The following LRRC4C variants were observed in gnomAD, a reference collection of about 807,000 sequenced individuals.
LRRC4C encodes the protein leucine-rich repeat-containing protein 4C.
A neutral mutation model predicts 33.6 loss-of-function variants in LRRC4C; 5 were observed. The observed-to-expected ratio is 0.15, with a 90% confidence interval of 0.08 to 0.31. The LOEUF (loss-of-function observed/expected upper bound fraction) is 0.31, where lower values mean the gene tolerates loss of function less well. Ranked by LOEUF, LRRC4C falls within the 10% of genes least tolerant of loss-of-function variation. LRRC4C has a pLI of 1.00. For synonymous variants in LRRC4C, 329 were observed against 302.0 expected (o/e 1.09, Z -0.93); for missense variants, 560 against 796.7 (o/e 0.70, Z 3.58).
chr11:41,009,891 A>G (rs554084225), intron 1 of LRRC4C, among the ~76,000 whole-genome samples: 5 of 152,300 alleles, frequency 3.3e-5, no homozygotes, highest in Admixed American at 2.0e-4. Flanking sequence ...GTTTTAACAA[A>G]CGTAATCAAT....
At chr11:41,205,439 T>C (rs1240093865) in intron 1 of LRRC4C, among the ~76,000 whole-genome samples, 2 of 152,158 alleles carry the variant, frequency 1.3e-5, no homozygotes, top group Non-Finnish European at 2.9e-5. Context: ...AGAAGGTCAT[T>C]GTACTGAACC....
At chr11:40,644,346 T>TAAAAA (rs1942311006) in intron 3 of LRRC4C, among the ~76,000 whole-genome samples, 2 of 152,214 alleles carry the variant, frequency 1.3e-5, no homozygotes. Context: ...ACAGTTACTC[T>TAAAAA]GGAAAACTCT....
intron 1 of LRRC4C, among the ~76,000 whole-genome samples, chr11:40,940,436 G>A (rs1958091858): frequency 6.6e-6 from 1 of 152,038 alleles, no homozygotes; most frequent in African/African-American, 2.4e-5. Context: ...TGAATTTAGA[G>A]ATATTTCTTC....
chr11:40,832,000 G>A (rs949369348), intron 2 of LRRC4C, among the ~76,000 whole-genome samples: 2 of 152,086 alleles, frequency 1.3e-5, no homozygotes, highest in African/African-American at 4.8e-5. Flanking sequence ...ACAGTTATAG[G>A]TAGAGTTATG....
intron 1 of LRRC4C, among the ~76,000 whole-genome samples, chr11:41,208,176 G>A (rs757963999): frequency 4.6e-5 from 7 of 152,190 alleles, no homozygotes; most frequent in Non-Finnish European, 1.0e-4. Context: ...CTGGAAAGAA[G>A]GCAATCATGT....
chr11:41,334,957 T>G (rs1951405411), intron 1 of LRRC4C, among the ~76,000 whole-genome samples: 1 of 152,166 alleles, frequency 6.6e-6, no homozygotes, highest in Admixed American at 6.5e-5. Flanking sequence ...GACTCCCCAC[T>G]TAAATGCAAA....
chr11:40,337,523 A>G (rs894326754), intron 3 of LRRC4C, among the ~76,000 whole-genome samples: 1 of 152,150 alleles, frequency 6.6e-6, no homozygotes, highest in Non-Finnish European at 1.5e-5. Context: ...AAAACCATGT[A>G]TCATAAATAC....
At chr11:40,812,912 T>C (rs1056235325) in intron 2 of LRRC4C, among the ~76,000 whole-genome samples, 5 of 151,812 alleles carry the variant, frequency 3.3e-5, no homozygotes, top group African/African-American at 9.7e-5. Context: ...ATTATAGAAG[T>C]CCCTAGATTC....
In LRRC4C at chr11:41,412,989, T is replaced by C. The variant is rs143117718; in HGVS notation, c.-496+46442A>G. Among the ~76,000 whole-genome samples, 143 of 152,340 alleles carry C rather than the reference T, an allele frequency of 9.4e-4. 2 individuals are homozygous for C. The East Asian group carries it at 0.026, about 28-fold the overall frequency. Reference sequence around the variant, plus strand: ...CTCTATTTCTATCCTAATTTTCTTTTCTTTTTCAAATTTATTGTTCTGATT... The same window carrying C: ...CTCTATTTCTATCCTAATTTTCTTTCCTTTTTCAAATTTATTGTTCTGATT... On this transcript the variant is annotated intron_variant, in intron 1 of 6. Coordinates refer to ENST00000528697, the MANE Select transcript of LRRC4C (RefSeq NM_001258419.2).
chr11:40,386,306 T>C (rs1483599367), intron 3 of LRRC4C, among the ~76,000 whole-genome samples: 1 of 152,140 alleles, frequency 6.6e-6, no homozygotes, highest in Non-Finnish European at 1.5e-5. Flanking sequence ...GTCAGGAGAA[T>C]ATAATAGAAC....
Position 40,501,211 on chromosome 11 carries a change from C to T in LRRC4C, c.-270+146931G>A, listed in dbSNP as rs931730933. 2.0e-4 allele frequency among the ~76,000 whole-genome samples: 30 copies of T among 152,122 alleles called. 1 individual carries two copies. The highest frequency in any genetic ancestry group is 1.9e-3 in the Admixed American group (29 of 15,276). On this transcript the variant is annotated intron_variant, in intron 3 of 6. Transcript: ENST00000528697. ...TGTGGCTTTGCAGGATAAAGCCCCC[C>T]ACCTGGCTGCTTTCACAAGCTGCTG...
At position 40,865,202 on chromosome 11, in the gene LRRC4C, A is replaced by G. The variant is rs181731600; in HGVS notation, c.-407+68433T>C. ...CAGCAATACATGCTGTCACCACACGATCTCACCCATATGTGCAAACTAAAA... is the reference window on the plus strand; with the variant it reads ...CAGCAATACATGCTGTCACCACACGGTCTCACCCATATGTGCAAACTAAAA... On this transcript the variant is annotated intron_variant, in intron 2 of 6. Coordinates refer to ENST00000528697, the MANE Select transcript of LRRC4C (RefSeq NM_001258419.2). Among the ~76,000 whole-genome samples, 7 of 152,226 alleles carry G rather than the reference A, an allele frequency of 4.6e-5. No homozygotes were observed. In the East Asian group the frequency reaches 1.2e-3, roughly 25 times the overall value.
intron 3 of LRRC4C, among the ~76,000 whole-genome samples, chr11:40,407,932 TATTA>T (rs1366253105): frequency 2.0e-5 from 3 of 152,054 alleles, no homozygotes; most frequent in African/African-American, 7.2e-5. Flanking sequence ...CAATTTAAAA[TATTA>T]ATTATCAACT....
chr11:40,861,701 T>C (rs1403768216), intron 2 of LRRC4C, among the ~76,000 whole-genome samples: 2 of 152,206 alleles, frequency 1.3e-5, no homozygotes, highest in East Asian at 1.9e-4. Flanking sequence ...GGGTAATTTA[T>C]AAAGAAATGG....
At chr11:41,025,934 CAGAAAA>C (rs1046730749) in intron 1 of LRRC4C, among the ~76,000 whole-genome samples, 1 of 151,476 alleles carries the variant, frequency 6.6e-6, no homozygotes, top group Non-Finnish European at 1.5e-5. Flanking sequence ...ATCTTCTGCT[CAGAAAA>C]AAAGATTCCT....
At chr11:40,755,235 T>A (rs1341624864) in intron 2 of LRRC4C, among the ~76,000 whole-genome samples, 1 of 152,110 alleles carries the variant, frequency 6.6e-6, no homozygotes, top group Non-Finnish European at 1.5e-5. Context: ...CACTACTATT[T>A]TAAAAGATTT....
chr11:40,186,249 C>A (rs145298339), intron 5 of LRRC4C, among the ~76,000 whole-genome samples: 1 of 151,990 alleles, frequency 6.6e-6, no homozygotes, highest in Non-Finnish European at 1.5e-5. Context: ...ACTGACTTAC[C>A]CTGTATCATA....
intron 1 of LRRC4C, among the ~76,000 whole-genome samples, chr11:41,005,383 C>T (rs1159818915): frequency 2.0e-5 from 3 of 152,104 alleles, no homozygotes; most frequent in Admixed American, 6.5e-5. Flanking sequence ...GTGGGTGGAT[C>T]GCTTAAGATC....
chr11:40,317,505 A>G (rs1467339068), intron 4 of LRRC4C, among the ~76,000 whole-genome samples: 3 of 152,054 alleles, frequency 2.0e-5, no homozygotes, highest in African/African-American at 7.2e-5. Flanking sequence ...TCACCAATTC[A>G]TAATTTACTG....
Sources: allele counts gnomAD v4.1 joint callset (sites outside exome capture counted in the v4.1 genomes callset), GRCh38; gene constraint gnomAD v4.1.1; transcripts MANE v1.5; gene names NCBI Gene and HGNC (gene_info 2026-07-23, HGNC 2026-07-21).